VRTN: variants seen among roughly 807,000 people sequenced by gnomAD.
The protein encoded by VRTN is vertebrae development associated.
VRTN carries 5 observed loss-of-function variants against 18.2 expected under a neutral mutation model. That is an observed-to-expected ratio of 0.27 (90% CI 0.14 to 0.58). The LOEUF is 0.58. VRTN is among the 20% of genes least tolerant of loss of function. The probability of loss-of-function intolerance (pLI) is 0.91; values close to 1 mark genes in which losing one functional copy is unlikely to be tolerated. For synonymous variants in VRTN, 381 were observed against 393.7 expected (o/e 0.97, Z 0.38); for missense variants, 741 against 939.4 (o/e 0.79, Z 2.76).
chr14:74,319,551 G>T (rs1226962958), intron 1 of VRTN, among the ~76,000 whole-genome samples: 2 of 152,070 alleles, frequency 1.3e-5, no homozygotes, highest in Non-Finnish European at 2.9e-5. Context: ...ATTTACTGGG[G>T]TTGGGAGTTA....
chr14:74,331,984 T>C (rs1426126907), intron 1 of VRTN, among the ~76,000 whole-genome samples: 3 of 152,014 alleles, frequency 2.0e-5, no homozygotes, highest in Non-Finnish European at 4.4e-5. Flanking sequence ...GAAGGGAGCA[T>C]GTGGCTGAAG....
intron 1 of VRTN, among the ~76,000 whole-genome samples, chr14:74,316,111 T>A (rs1221046850): frequency 6.6e-6 from 1 of 152,146 alleles, no homozygotes; most frequent in Non-Finnish European, 1.5e-5. Context: ...TGAAAGGGAA[T>A]CTGGGCAGGG....
At chr14:74,342,993 C>CA (rs1390885855) in intron 2 of VRTN, among the ~76,000 whole-genome samples, 4 of 151,784 alleles carry the variant, frequency 2.6e-5, no homozygotes, top group Non-Finnish European at 4.4e-5. Context: ...CTGAGAAAAA[C>CA]AAAAAAACTA....
Position 74,358,358 on chromosome 14 carries a change from T to A in VRTN, c.1575T>A (p.Pro525=), listed in dbSNP as rs1381081842. Residue 525 remains proline (P), a synonymous_variant, in exon 2 of 2, where the codon CCT becomes CCA. Transcript: ENST00000256362. This position sits in a 1 kb window ranked among gnomAD's most constrained non-coding sequence, Gnocchi z 5.4. ...ARRQVLSGHL[P]FCRFRLRYPS... ...GGCAGGTGCTGAGTGGGCATCTCCC[T>A]TTCTGCCGCTTCCGCCTCCGCTACC... is the stretch of plus-strand genomic sequence containing the variant. 6.2e-7 allele frequency: 1 copy of A among 1,613,606 alleles called. No homozygotes were observed. The highest frequency in any genetic ancestry group is 1.7e-5 in the Admixed American group (1 of 60,010).
At position 74,357,719 on chromosome 14, in the gene VRTN, C is replaced by T. The variant is rs2085741115; in HGVS notation, c.936C>T (p.Ala312=). 2 of 1,613,560 alleles carry T rather than the reference C, an allele frequency of 1.2e-6. No homozygotes were observed. The highest frequency in any genetic ancestry group is 8.5e-7 in the Non-Finnish European group (1 of 1,180,026). ...QSQEHRQKVA[A]RFSAKHFLQD... is the part of the protein sequence containing the mutation. ...AGGAGCACCGGCAGAAGGTTGCTGC[C>T]CGCTTCTCCGCCAAGCACTTCCTGC... Residue 312 remains alanine, a synonymous_variant, in exon 2 of 2, where the codon GCC becomes GCT. Transcript: ENST00000256362. The surrounding 1 kb of genome is among the most constrained non-coding windows in gnomAD (Gnocchi z 7.8).
intron 1 of VRTN, among the ~76,000 whole-genome samples, chr14:74,322,860 A>T (rs920915179): frequency 1.8e-4 from 27 of 152,166 alleles, no homozygotes; most frequent in Middle Eastern, 3.2e-3. Context: ...GGGACCGGGC[A>T]CGGTGGCTCA....
At chr14:74,330,602 C>T (rs1049448972) in intron 1 of VRTN, among the ~76,000 whole-genome samples, 7 of 151,958 alleles carry the variant, frequency 4.6e-5, no homozygotes, top group African/African-American at 1.2e-4. Flanking sequence ...CCACCACGCC[C>T]GGCTAATTTT....
At chr14:74,323,400 A>G (rs965258643) in intron 1 of VRTN, among the ~76,000 whole-genome samples, 33 of 152,150 alleles carry the variant, frequency 2.2e-4, no homozygotes, top group African/African-American at 7.9e-4. Flanking sequence ...CCTGGCCAAC[A>G]TGGTGAAACC....
intron 1 of VRTN, among the ~76,000 whole-genome samples, chr14:74,355,816 C>A (rs554296999): frequency 1.3e-5 from 2 of 151,792 alleles, no homozygotes; most frequent in African/African-American, 4.8e-5. Flanking sequence ...GCATGAGCCA[C>A]TGCACCTGGC....
At position 74,335,865 on chromosome 14, in the gene VRTN, C is replaced by T. The variant is rs149191599; in HGVS notation, c.-163-1858C>T. ...AAGCAATTCTCCTGCTTCAGCCTCCCGAATAGCTGGGATGACAGATATGAA... is the reference window on the plus strand; with the variant it reads ...AAGCAATTCTCCTGCTTCAGCCTCCTGAATAGCTGGGATGACAGATATGAA... On this transcript the variant is annotated intron_variant, in intron 1 of 2. Coordinates refer to the VRTN transcript ENST00000557177. Among the ~76,000 whole-genome samples the T allele has an allele frequency of 3.6e-3, 543 of 151,452 alleles. 6 individuals carry two copies. The highest frequency in any genetic ancestry group is 0.012 in the African/African-American group (498 of 41,328).
chr14:74,312,863 C>T (rs1041320200), intron 1 of VRTN, among the ~76,000 whole-genome samples: 4 of 151,630 alleles, frequency 2.6e-5, no homozygotes, highest in African/African-American at 9.7e-5. Context: ...CTGTCTCAGC[C>T]TCCTGAGTAG....
rs200450362 is a variant in VRTN at position 74,352,028 on chromosome 14, T to A, written c.-2+3376T>A. ...CCAGCTAATTATTTTTTTTTTGTAT[T>A]TTTAGTAGACACAGGGTTTCACCAT... is the stretch of plus-strand genomic sequence containing the variant. On this transcript the variant is annotated intron_variant, in intron 1 of 1. Transcript: ENST00000256362. Among the ~76,000 whole-genome samples the A allele has an allele frequency of 8.6e-5, 13 of 151,254 alleles. No homozygotes were observed. The East Asian group carries it at 2.0e-3, about 23-fold the overall frequency.
intron 2 of VRTN, among the ~76,000 whole-genome samples, chr14:74,340,539 G>A (rs891711451): frequency 2.6e-5 from 4 of 151,818 alleles, no homozygotes; most frequent in South Asian, 2.1e-4. Context: ...CACCATACCC[G>A]GCCAATGAGA....
upstream of VRTN, among the ~76,000 whole-genome samples, chr14:74,343,681 C>G (rs539057201): frequency 5.3e-5 from 8 of 152,252 alleles, no homozygotes; most frequent in East Asian, 1.5e-3. Flanking sequence ...CCACCAGCCA[C>G]ATGTGGCTGT....
intron 1 of VRTN, among the ~76,000 whole-genome samples, chr14:74,320,074 A>AAAAAAT (rs1307840622): frequency 2.0e-5 from 3 of 151,994 alleles, no homozygotes; most frequent in African/African-American, 7.2e-5. Context: ...CCTCTTTACA[A>AAAAAAT]AAAAATAAAA....
At chr14:74,318,218 C>T (rs2085429967) in intron 1 of VRTN, among the ~76,000 whole-genome samples, 1 of 152,110 alleles carries the variant, frequency 6.6e-6, no homozygotes, top group Admixed American at 6.5e-5. Context: ...ATTCTCCTGC[C>T]TCAGCCTCCT....
chr14:74,303,443 C>G (rs924317814), intron 1 of VRTN, among the ~76,000 whole-genome samples: 1 of 152,078 alleles, frequency 6.6e-6, no homozygotes, highest in African/African-American at 2.4e-5. Context: ...CCGAGCTACT[C>G]TGGAGGCTGA....
At chr14:74,330,067 G>A (rs2085511805) in intron 1 of VRTN, among the ~76,000 whole-genome samples, 1 of 151,754 alleles carries the variant, frequency 6.6e-6, no homozygotes, top group Non-Finnish European at 1.5e-5. Context: ...TAGAGACGGG[G>A]TTTCGCTATG....
At chr14:74,335,398 A>T (rs1434699360) in intron 1 of VRTN, among the ~76,000 whole-genome samples, 1 of 152,218 alleles carries the variant, frequency 6.6e-6, no homozygotes, top group African/African-American at 2.4e-5. Context: ...TAGAGGTGTC[A>T]ACGTAATGTG....
Sources: allele counts gnomAD v4.1 joint callset (sites outside exome capture counted in the v4.1 genomes callset), GRCh38; gene constraint gnomAD v4.1.1; non-coding constraint Gnocchi (gnomAD v3.1); transcripts MANE v1.5; gene names NCBI Gene and HGNC (gene_info 2026-07-23, HGNC 2026-07-21).